Variants in TNS3 observed in about 807,000 individuals in gnomAD.
The protein encoded by TNS3 is tensin 3.
Under a neutral mutation model 140.9 loss-of-function variants are expected in TNS3, and 45 were observed. That is an observed-to-expected ratio of 0.32 (90% CI 0.25 to 0.41). TNS3 has a LOEUF of 0.41. Among genes scored for constraint, TNS3 ranks in the 10% least tolerant of loss-of-function variants. The pLI, the probability that TNS3 is intolerant of heterozygous loss-of-function variation, is 1.00. For missense variants in TNS3, 1,716 were observed against 1,906.7 expected (o/e 0.90, Z 1.86); for synonymous variants, 815 against 788.4 (o/e 1.03, Z -0.56).
At chr7:47,485,630 G>C (rs999555616) in intron 3 of TNS3, among the ~76,000 whole-genome samples, 3 of 152,264 alleles carry the variant, frequency 2.0e-5, no homozygotes, top group African/African-American at 7.2e-5. Context: ...CAAAAGCCAT[G>C]GGCTGTGGCA....
In TNS3 at chr7:47,439,601, G is replaced by A. The variant is rs768531579; in HGVS notation, c.36C>T (p.Ile12=). 3 of 1,614,090 alleles carry A rather than the reference G, an allele frequency of 1.9e-6. No individual in the cohort carries two copies. The highest frequency in any genetic ancestry group is 1.3e-5 in the African/African-American group (1 of 75,044). ...AGGACACAGCGATGATGCGCTCCGT[G>A]ATGTAAGTGAGGTCCAGCCCATGGC... ...EEGHGLDLTY[I]TERIIAVSFP... Residue 12 remains isoleucine, a synonymous_variant, in exon 6 of 31, where the codon ATC becomes ATT. Transcript: ENST00000311160.
At position 47,567,248 on chromosome 7, in the gene TNS3, T is replaced by A. The variant is rs1254025694; in HGVS notation, c.-265+14803A>T. Among the ~76,000 whole-genome samples, 5 of 152,268 alleles carry A rather than the reference T, an allele frequency of 3.3e-5. No individual in the cohort carries two copies. The East Asian group carries it at 9.6e-4, about 29-fold the overall frequency. ...TTTTCAGATGTCATGATTATCTACATGGGAAATGCCCAGGAATATACAAAA... is the reference window on the plus strand; with the variant it reads ...TTTTCAGATGTCATGATTATCTACAAGGGAAATGCCCAGGAATATACAAAA... On this transcript the variant is annotated intron_variant, in intron 1 of 30. Coordinates refer to ENST00000311160, the MANE Select transcript of TNS3 (RefSeq NM_022748.12).
chr7:47,425,651 C>T (rs887653356), intron 9 of TNS3, among the ~76,000 whole-genome samples: 62 of 152,290 alleles, frequency 4.1e-4, no homozygotes, highest in African/African-American at 1.4e-3. Context: ...CTCCCAGTGA[C>T]TTTTAAGCAT....
intron 1 of TNS3, among the ~76,000 whole-genome samples, chr7:47,534,222 C>G (rs937517070): frequency 1.3e-5 from 2 of 151,782 alleles, no homozygotes; most frequent in Non-Finnish European, 2.9e-5. Context: ...TGCAGTAGGC[C>G]GAGATCATGG....
intron 17 of TNS3, among the ~76,000 whole-genome samples, chr7:47,359,850 T>C (rs138674255): frequency 6.6e-6 from 1 of 152,262 alleles, no homozygotes; most frequent in African/African-American, 2.4e-5. Context: ...CCAGTGAAGG[T>C]CCCTTGATGT....
At chr7:47,533,283 C>T (rs559117456) in intron 1 of TNS3, among the ~76,000 whole-genome samples, 1 of 150,994 alleles carries the variant, frequency 6.6e-6, no homozygotes, top group African/African-American at 2.4e-5. Context: ...AGGCACCCGC[C>T]ACCATGCCTG....
intron 9 of TNS3, among the ~76,000 whole-genome samples, chr7:47,426,865 C>T (rs1366246970): frequency 6.6e-6 from 1 of 152,084 alleles, no homozygotes; most frequent in Non-Finnish European, 1.5e-5. Context: ...GTGGCTCACA[C>T]CTGTAATCCC....
At chr7:47,500,664 GA>G (rs1192811439) in intron 3 of TNS3, among the ~76,000 whole-genome samples, 1 of 152,208 alleles carries the variant, frequency 6.6e-6, no homozygotes, top group Non-Finnish European at 1.5e-5. Context: ...AGTTCAGAGG[GA>G]GTAACCATCT....
At chr7:47,390,839 C>A (rs1465766434) in intron 16 of TNS3, among the ~76,000 whole-genome samples, 2 of 152,192 alleles carry the variant, frequency 1.3e-5, no homozygotes, top group Non-Finnish European at 2.9e-5. Flanking sequence ...ACATCCAAGT[C>A]CAGGCCTCCG....
At chr7:47,544,246 C>A (rs893444008) in intron 1 of TNS3, among the ~76,000 whole-genome samples, 1 of 149,648 alleles carries the variant, frequency 6.7e-6, no homozygotes, top group African/African-American at 2.5e-5. Flanking sequence ...TTCACCTATC[C>A]ATGGGTCGGG....
Position 47,369,517 on chromosome 7 carries a change from T to C in TNS3, c.1129A>G (p.Thr377Ala), listed in dbSNP as rs188390928. The C allele has an allele frequency of 3.7e-6, 6 of 1,613,972 alleles. No homozygotes were observed. In the South Asian group the frequency reaches 6.6e-5, roughly 18 times the overall value. The change falls in exon 17 of 31, where the codon ACC becomes GCC. Residue 377 changes from threonine (T) to alanine (A), a missense_variant. Physicochemically the swap from Thr to Ala is moderately conservative, Grantham distance 58. This residue lies in a region of TNS3 where 1,163 missense variants were observed against 1,182.1 expected (regional missense o/e 0.98). Transcript: ENST00000311160. ...TGGTCACTGTGGTCTGGGCTGTTGGTGGCCGGGATTGCCTGGGGGCCACCT... is the reference window on the plus strand; with the variant it reads ...TGGTCACTGTGGTCTGGGCTGTTGGCGGCCGGGATTGCCTGGGGGCCACCT... ...IPGGPQAIPA[T>A]NSPDHSDHTL... is the part of the protein sequence containing the mutation.
At chr7:47,417,174 G>A (rs1029253570) in intron 10 of TNS3, among the ~76,000 whole-genome samples, 1 of 152,234 alleles carries the variant, frequency 6.6e-6, no homozygotes, top group Non-Finnish European at 1.5e-5. Flanking sequence ...GGCAGCATAA[G>A]GGGTCCAAGT....
chr7:47,522,598 A>C (rs927966820), intron 2 of TNS3, among the ~76,000 whole-genome samples: 7 of 152,188 alleles, frequency 4.6e-5, no homozygotes, highest in African/African-American at 7.2e-5. Flanking sequence ...TCATGTCTAA[A>C]AGACTTCTGA....
chr7:47,463,734 C>T (rs1480783691), intron 4 of TNS3, among the ~76,000 whole-genome samples: 5 of 152,168 alleles, frequency 3.3e-5, no homozygotes, highest in Admixed American at 6.6e-5. Flanking sequence ...CAGTGTCAGA[C>T]GGGAACATGC....
At chr7:47,421,964 C>T (rs1352497458) in intron 10 of TNS3, among the ~76,000 whole-genome samples, 2 of 152,136 alleles carry the variant, frequency 1.3e-5, no homozygotes, top group Admixed American at 6.5e-5. Flanking sequence ...AAGCAGCCTG[C>T]AGCGCACCCA....
At chr7:47,469,316 A>G (rs1270243874) in intron 4 of TNS3, among the ~76,000 whole-genome samples, 1 of 152,252 alleles carries the variant, frequency 6.6e-6, no homozygotes, top group Non-Finnish European at 1.5e-5. Context: ...ACAGAATGGG[A>G]GAAAATATTC....
chr7:47,483,829 G>A (rs1206869164), intron 3 of TNS3, among the ~76,000 whole-genome samples: 3 of 152,256 alleles, frequency 2.0e-5, no homozygotes, highest in African/African-American at 7.2e-5. Flanking sequence ...CGCGCGATAA[G>A]TTGGCACGCC....
rs1562777326 is a variant in TNS3, at chr7:47,303,329, T to C, written c.3078A>G (p.Pro1026=). 1.9e-6 allele frequency: 3 copies of C among 1,613,532 alleles called. No individual in the cohort carries two copies. The highest frequency in any genetic ancestry group is 2.5e-6 in the Non-Finnish European group (3 of 1,179,820). The change falls in exon 22 of 31, where the codon CCA becomes CCG. Residue 1026 remains proline (P), a synonymous_variant. Coordinates refer to ENST00000311160, the MANE Select transcript of TNS3 (RefSeq NM_022748.12). The part of the protein sequence containing the change: ...SQAFLGFGTA[P]VGSGLPPEED... Reference sequence around the variant, plus strand: ...CCTCGGGCGGAAGGCCACTTCCCACTGGGGCGGTGCCGAAGCCCAGGAAGG... The same window carrying C: ...CCTCGGGCGGAAGGCCACTTCCCACCGGGGCGGTGCCGAAGCCCAGGAAGG...
intron 20 of TNS3, among the ~76,000 whole-genome samples, chr7:47,324,664 A>G (rs1015790279): frequency 2.0e-5 from 3 of 152,192 alleles, no homozygotes; most frequent in African/African-American, 7.2e-5. Flanking sequence ...AGGCCAGAGA[A>G]TCACTTGAAC....
Sources: gnomAD v4.1 joint callset for allele counts (sites outside exome capture counted in the v4.1 genomes callset) on GRCh38, gnomAD v4.1.1 for gene constraint, gnomAD v4.1.1 regional missense constraint, MANE v1.5 for transcripts, NCBI Gene and HGNC (gene_info 2026-07-23, HGNC 2026-07-21) for gene names.